CEP70: variants seen among roughly 807,000 people sequenced by gnomAD.
CEP70 encodes the protein centrosomal protein 70.
A neutral mutation model predicts 90.9 loss-of-function variants in CEP70; 70 were observed. That is an observed-to-expected ratio of 0.77 (90% CI 0.64 to 0.94). The LOEUF is 0.94. Among genes scored for constraint, CEP70 ranks in the 40% least tolerant of loss-of-function variants. The pLI is 0.00. For synonymous variants in CEP70, 220 were observed against 228.3 expected, an observed-to-expected ratio of 0.96 and a Z score of 0.33; for missense variants, 648 against 669.0, an observed-to-expected ratio of 0.97 and a Z score of 0.35.
intron 6 of CEP70, among the ~76,000 whole-genome samples, chr3:138,563,133 G>C (rs767827703): frequency 5.9e-5 from 9 of 151,876 alleles, no homozygotes; most frequent in African/African-American, 1.9e-4. Context: ...AAAGGGATCA[G>C]TGCAACAAGA....
rs777595907 is a variant in CEP70, at chr3:138,505,289, C to A, written c.1221+6G>T. ...TCAAAGCATATAATCATAGTCAACC[C>A]CTTACCTTTAAGGATGTCAGTTGAT... On this transcript the variant is annotated splice_donor_region_variant and intron_variant, in intron 13 of 17. Transcript: ENST00000264982. 1.3e-5 allele frequency: 20 copies of A among 1,596,056 alleles called. No individual in the cohort carries two copies. Among genetic ancestry groups the A allele is most frequent in the Non-Finnish European group, 1.7e-5 (20 of 1,171,700 alleles).
intron 11 of CEP70, among the ~76,000 whole-genome samples, chr3:138,519,367 A>G: frequency 6.6e-6 from 1 of 152,212 alleles, no homozygotes; most frequent in African/African-American, 2.4e-5. Context: ...AGCAACTCCA[A>G]GACACATAAT....
chr3:138,576,123 G>A (rs1156651421), intron 2 of CEP70, among the ~76,000 whole-genome samples: 4 of 152,094 alleles, frequency 2.6e-5, no homozygotes, highest in Non-Finnish European at 5.9e-5. Flanking sequence ...AATGTAAATG[G>A]GCTAAATGCC....
Position 138,500,448 on chromosome 3 carries a change from A to T in CEP70, c.1488T>A (p.Leu496=). 6.2e-7 allele frequency: 1 copy of T among 1,608,602 alleles called. No individual in the cohort carries two copies. Among genetic ancestry groups the T allele is most frequent in the Non-Finnish European group, 8.5e-7 (1 of 1,178,722 alleles). The change falls in exon 15 of 18, where the codon CTT becomes CTA. Residue 496 remains leucine (L), a synonymous_variant. Transcript: ENST00000264982. ...TTCTCACAGCATTGTTCATTTCTCCAAGCCTAGTATAAACTTCATTCATTC... is the reference window on the plus strand; with the variant it reads ...TTCTCACAGCATTGTTCATTTCTCCTAGCCTAGTATAAACTTCATTCATTC... The part of the protein sequence containing the change: ...YPRMNEVYTR[L]GEMNNAVRNL...
At position 138,509,255 on chromosome 3, in the gene CEP70, G is replaced by A. The variant is rs528100774; in HGVS notation, c.945-711C>T. Among the ~76,000 whole-genome samples, 29 of 152,302 alleles carry A rather than the reference G, an allele frequency of 1.9e-4. No individual in the cohort carries two copies. The South Asian group carries it at 5.8e-3, about 31-fold the overall frequency. ...TCCAAGATCACAGACTACAGATAAAGGGAGCAGGAAGCATGGGAAGGGCCA... is the reference window on the plus strand; with the variant it reads ...TCCAAGATCACAGACTACAGATAAAAGGAGCAGGAAGCATGGGAAGGGCCA... On this transcript the variant is annotated intron_variant, in intron 11 of 17. Coordinates refer to ENST00000264982, the MANE Select transcript of CEP70 (RefSeq NM_024491.4).
intron 6 of CEP70, among the ~76,000 whole-genome samples, chr3:138,539,147 T>A (rs998999865): frequency 6.6e-5 from 10 of 152,116 alleles, no homozygotes; most frequent in African/African-American, 2.4e-4. Flanking sequence ...TTGCTAGGAT[T>A]ACCATCACAC....
At chr3:138,528,546 T>C (rs2107745334) in intron 10 of CEP70, among the ~76,000 whole-genome samples, 1 of 152,284 alleles carries the variant, frequency 6.6e-6, no homozygotes, top group Admixed American at 6.5e-5. Context: ...CAAATTCCAG[T>C]ATGTTTACTT....
chr3:138,508,729 A>G (rs531973201), intron 11 of CEP70, among the ~76,000 whole-genome samples, 185 bp from the exon 12 acceptor site: 1 of 151,542 alleles, frequency 6.6e-6, no homozygotes, highest in South Asian at 2.1e-4. Flanking sequence ...ATATAGAGTT[A>G]AAAAAAATTT....
intron 6 of CEP70, among the ~76,000 whole-genome samples, chr3:138,555,244 A>G (rs1177246985): frequency 3.5e-4 from 39 of 110,366 alleles, no homozygotes; most frequent in African/African-American, 1.0e-3. Flanking sequence ...TTGAGACTCC[A>G]TCTCAAAAAA....
chr3:138,591,777 A>C (rs904225897), intron 2 of CEP70, 77 bp downstream of exon 2: 4 of 1,109,696 alleles, frequency 3.6e-6, no homozygotes, highest in Non-Finnish European at 3.9e-6. Context: ...TAATGAACCT[A>C]GTATAGTACT....
intron 12 of CEP70, among the ~76,000 whole-genome samples, chr3:138,506,350 A>G (rs926844536): frequency 6.6e-6 from 1 of 152,146 alleles, no homozygotes; most frequent in Admixed American, 6.5e-5. Flanking sequence ...CTCCAAAAAT[A>G]ATATCATTGA....
chr3:138,540,666 C>A (rs1382147828), intron 6 of CEP70, among the ~76,000 whole-genome samples: 2 of 152,070 alleles, frequency 1.3e-5, no homozygotes, highest in Non-Finnish European at 2.9e-5. Flanking sequence ...TTATTTTAAC[C>A]ATTGTGGAAA....
intron 1 of CEP70, chr3:138,593,043 G>T (rs1410147303): frequency 6.6e-6 from 1 of 152,146 alleles, no homozygotes; most frequent in East Asian, 1.9e-4. Flanking sequence ...CTCAGGAGAG[G>T]TGACATGAAG....
At chr3:138,526,314 C>T (rs2037242143) in intron 10 of CEP70, among the ~76,000 whole-genome samples, 1 of 152,072 alleles carries the variant, frequency 6.6e-6, no homozygotes, top group Admixed American at 6.6e-5. Flanking sequence ...ATGCGTACCA[C>T]CACACCGGGC....
intron 11 of CEP70, among the ~76,000 whole-genome samples, chr3:138,520,965 C>T (rs375242233): frequency 1.6e-4 from 25 of 152,174 alleles, no homozygotes; most frequent in South Asian, 6.2e-4. Flanking sequence ...TGCGCTGCCA[C>T]GCCTGACTGG....
At chr3:138,517,057 T>C (rs760857721) in intron 11 of CEP70, among the ~76,000 whole-genome samples, 1 of 152,224 alleles carries the variant, frequency 6.6e-6, no homozygotes, top group Non-Finnish European at 1.5e-5. Context: ...TAAAGTGTGA[T>C]AACGCTCACT....
intron 7 of CEP70, among the ~76,000 whole-genome samples, chr3:138,535,042 C>G (rs1406870810): frequency 6.6e-6 from 1 of 152,088 alleles, no homozygotes. Flanking sequence ...TGGGTATGTT[C>G]CCTGCCACAC....
chr3:138,539,676 C>A (rs115208779), intron 6 of CEP70, among the ~76,000 whole-genome samples: 220 of 152,190 alleles, frequency 1.4e-3, no homozygotes, highest in African/African-American at 5.1e-3. Flanking sequence ...AAAATTACCT[C>A]AAAAGAGCAA....
intron 2 of CEP70, 123 bp from the exon 3 acceptor site, chr3:138,573,055 G>C: frequency 1.5e-6 from 1 of 680,580 alleles, no homozygotes; most frequent in Non-Finnish European, 2.5e-6. Flanking sequence ...CACTACTCTT[G>C]CAGGGCAATT....
Sources: gnomAD v4.1 joint callset for allele counts (sites outside exome capture counted in the v4.1 genomes callset) on GRCh38, gnomAD v4.1.1 for gene constraint, MANE v1.5 for transcripts, NCBI Gene and HGNC (gene_info 2026-07-23, HGNC 2026-07-21) for gene names.